The following PPFIBP1 variants were observed in gnomAD, a reference collection of about 807,000 sequenced individuals.
The protein encoded by PPFIBP1 is PPFIB scaffold protein 1, also known as liprin-beta-1.
PPFIBP1 carries 112 observed loss-of-function variants against 137.8 expected under a neutral mutation model. That is an observed-to-expected ratio of 0.81 (90% CI 0.70 to 0.95). PPFIBP1 has a LOEUF of 0.95. Among genes scored for constraint, PPFIBP1 ranks in the 40% least tolerant of loss-of-function variants. The pLI is 0.00. For missense variants in PPFIBP1, 1,083 were observed against 1,196.6 expected, an observed-to-expected ratio of 0.91 and a Z score of 1.40; for synonymous variants, 378 against 417.3, an observed-to-expected ratio of 0.91 and a Z score of 1.15.
chr12:27,687,416 T>C lies in PPFIBP1; in HGVS notation c.2279T>C (p.Val760Ala), dbSNP rs1370344653. 6.2e-7 allele frequency: 1 copy of C among 1,614,044 alleles called. No individual in the cohort carries two copies. The highest frequency in any genetic ancestry group is 8.5e-7 in the Non-Finnish European group (1 of 1,179,902). ...DDLLSLKVVS[V>A]LHHLSIKRAI... ...TTACTGTCTCTGAAGGTTGTAAGTGTGCTACACCATCTCAGTATCAAAAGG... is the reference window on the plus strand; with the variant it reads ...TTACTGTCTCTGAAGGTTGTAAGTGCGCTACACCATCTCAGTATCAAAAGG... Residue 760 changes from valine (V) to alanine (A), a missense_variant, in exon 25 of 30, where the codon GTG becomes GCG. By Grantham distance (64) the Val-to-Ala change is moderately conservative (BLOSUM62 0). Coordinates refer to ENST00000228425, the MANE Select transcript of PPFIBP1 (RefSeq NM_003622.4).
Position 27,679,643 on chromosome 12 carries a change from A to G in PPFIBP1, c.1766+4A>G, listed in dbSNP as rs373917494. Reference sequence around the variant, plus strand: ...GTATCATGAAACTCTTTGGAAAGTAAGTAAAGCAGTAAACAAGTGGAATGG... The same window carrying G: ...GTATCATGAAACTCTTTGGAAAGTAGGTAAAGCAGTAAACAAGTGGAATGG... On this transcript the variant is annotated splice_donor_region_variant and intron_variant, in intron 20 of 29. Transcript: ENST00000228425. The G allele has an allele frequency of 1.9e-6, 3 of 1,613,144 alleles. No homozygotes were observed. In the African/African-American group the frequency reaches 4.0e-5, roughly 22 times the overall value.
At chr12:27,624,181 G>T (rs1433431553) in intron 2 of PPFIBP1, among the ~76,000 whole-genome samples, 2 of 152,078 alleles carry the variant, frequency 1.3e-5, no homozygotes, top group African/African-American at 4.8e-5. Context: ...GTGGGAGGCC[G>T]GCAGTCCTGT....
chr12:27,680,053 G>A lies in PPFIBP1; in HGVS notation c.1887G>A (p.Gln629=). ...TAGGTTGGTCTCGAGACTTGGGACA[G>A]TCTAACAGGTAAGAAGAGCCAACTG... is the stretch of plus-strand genomic sequence containing the variant. ...PRLGWSRDLG[Q]SNSDLDMPFA... The change falls in exon 21 of 30, where the codon CAG becomes CAA. Residue 629 remains glutamine (Q), a synonymous_variant. Transcript: ENST00000228425. 1 of 1,614,014 alleles carries A rather than the reference G, an allele frequency of 6.2e-7. No individual in the cohort carries two copies. Among genetic ancestry groups the A allele is most frequent in the Non-Finnish European group, 8.5e-7 (1 of 1,179,924 alleles).
intron 13 of PPFIBP1, among the ~76,000 whole-genome samples, chr12:27,670,201 A>G (rs2060094224): frequency 6.6e-6 from 1 of 152,170 alleles, no homozygotes; most frequent in African/African-American, 2.4e-5. Context: ...GTAAAAAATT[A>G]TTGAAAACTG....
intron 3 of PPFIBP1, among the ~76,000 whole-genome samples, chr12:27,633,835 C>CTTTTTTTTTT (rs56705005): frequency 1.8e-5 from 2 of 113,012 alleles, no homozygotes; most frequent in African/African-American, 3.3e-5. Flanking sequence ...ACTCCCGTAT[C>CTTTTTTTTTT]TTTTTTTTTT....
At chr12:27,616,839 G>A (rs1011735697) in intron 2 of PPFIBP1, among the ~76,000 whole-genome samples, 1 of 152,204 alleles carries the variant, frequency 6.6e-6, no homozygotes. Flanking sequence ...CTGAGATTAA[G>A]TGTTGGAGGA....
rs149080649 is a variant in PPFIBP1 at position 27,690,598 on chromosome 12, G to A, written c.2686-1151G>A. ...ACTGCACTCCAGCCTGGACAACAGA[G>A]CAAGATTCTGCCTCTAAAAAAATAA... On this transcript the variant is annotated intron_variant, in intron 27 of 29. Transcript: ENST00000228425. Among the ~76,000 whole-genome samples the A allele has an allele frequency of 2.4e-4, 36 of 152,336 alleles. No homozygotes were observed. The East Asian group carries it at 6.2e-3, about 26-fold the overall frequency.
chr12:27,624,828 C>G (rs578138618), intron 2 of PPFIBP1, among the ~76,000 whole-genome samples: 1 of 152,078 alleles, frequency 6.6e-6, no homozygotes, highest in East Asian at 1.9e-4. Flanking sequence ...ATTTGGTGAG[C>G]CCTTAGTATG....
chr12:27,548,734 G>A (rs1326767843), intron 1 of PPFIBP1: 2 of 152,200 alleles, frequency 1.3e-5, no homozygotes, highest in African/African-American at 2.4e-5. Context: ...ACTGGAGGTG[G>A]GGAAGCCTGA....
chr12:27,621,760 A>G (rs73080274), intron 2 of PPFIBP1, among the ~76,000 whole-genome samples: 32,477 of 152,182 alleles, frequency 0.21, 3,725 homozygotes, highest in East Asian at 0.25. Context: ...ATTCCTCCAC[A>G]AAACTGTTTC....
chr12:27,671,360 T>A lies in PPFIBP1; in HGVS notation c.1147-71T>A, dbSNP rs2060189525. ...CAATAGACCGTTTAATTTTCTTATGTTTATTTAAATTACTCTGTGGCTTGT... is the reference window on the plus strand; with the variant it reads ...CAATAGACCGTTTAATTTTCTTATGATTATTTAAATTACTCTGTGGCTTGT... On this transcript the variant is annotated intron_variant, in intron 13 of 29. Transcript: ENST00000228425. 1.1e-5 allele frequency: 9 copies of A among 840,698 alleles called. No homozygotes were observed. In the South Asian group the frequency reaches 1.7e-4, roughly 16 times the overall value. 52.1% of individuals were successfully genotyped at this position (840,698 alleles called of 1,614,324 possible). A position where few individuals can be genotyped will look rare whatever the true frequency, so the allele number is the denominator to read the frequency against.
intron 7 of PPFIBP1, among the ~76,000 whole-genome samples, chr12:27,652,140 A>G (rs2058912618): frequency 6.6e-6 from 1 of 152,102 alleles, no homozygotes; most frequent in Admixed American, 6.5e-5. Flanking sequence ...TAATAAAAAT[A>G]TTTTTCTGGG....
At chr12:27,625,849 G>T (rs1357633021) in intron 2 of PPFIBP1, among the ~76,000 whole-genome samples, 1 of 152,056 alleles carries the variant, frequency 6.6e-6, no homozygotes, top group African/African-American at 2.4e-5. Context: ...CTCCCAAAGT[G>T]CTGGGATTAC....
intron 1 of PPFIBP1, among the ~76,000 whole-genome samples, chr12:27,566,060 A>AT (rs1198486190): frequency 1.3e-5 from 2 of 151,544 alleles, no homozygotes; most frequent in African/African-American, 2.4e-5. Context: ...GGATCATGAA[A>AT]TTTTTTTTTC....
At chr12:27,577,016 G>C (rs1198350902) in intron 1 of PPFIBP1, among the ~76,000 whole-genome samples, 1 of 152,126 alleles carries the variant, frequency 6.6e-6, no homozygotes, top group Non-Finnish European at 1.5e-5. Flanking sequence ...CTTAAAATTT[G>C]CTGGGATTGG....
intron 2 of PPFIBP1, among the ~76,000 whole-genome samples, chr12:27,599,797 G>T (rs2053763471): frequency 1.3e-5 from 2 of 152,166 alleles, no homozygotes; most frequent in African/African-American, 4.8e-5. Flanking sequence ...AACTCCATTT[G>T]TGGGACATTT....
At chr12:27,627,784 A>C (rs2056945330) in intron 2 of PPFIBP1, among the ~76,000 whole-genome samples, 1 of 151,594 alleles carries the variant, frequency 6.6e-6, no homozygotes, top group Non-Finnish European at 1.5e-5. Context: ...CCAAACTTGA[A>C]ATATACCCTG....
At chr12:27,543,712 C>T (rs1172697627) in intron 1 of PPFIBP1, among the ~76,000 whole-genome samples, 1 of 152,032 alleles carries the variant, frequency 6.6e-6, no homozygotes, top group Non-Finnish European at 1.5e-5. Context: ...GTTTAGAGTT[C>T]AAGGATCAAA....
chr12:27,635,052 C>A lies in PPFIBP1; in HGVS notation c.207C>A (p.Gly69=). 2.5e-6 allele frequency: 4 copies of A among 1,614,168 alleles called. No individual in the cohort carries two copies. Among genetic ancestry groups the A allele is most frequent in the Non-Finnish European group, 3.4e-6 (4 of 1,180,002 alleles). The change falls in exon 4 of 30, where the codon GGC becomes GGA. Residue 69 remains glycine (G), a synonymous_variant. Transcript: ENST00000228425. ...LEMMETDEKE[G]LRCQIPDSTA... is the part of the protein sequence containing the mutation. ...TGATGGAAACAGATGAGAAAGAAGG[C>A]TTGAGATGCCAGATCCCAGATTCAA...
Sources: allele counts gnomAD v4.1 joint callset (sites outside exome capture counted in the v4.1 genomes callset), GRCh38; gene constraint gnomAD v4.1.1; transcripts MANE v1.5; gene names NCBI Gene and HGNC (gene_info 2026-07-23, HGNC 2026-07-21).